MPP2: variants seen among roughly 807,000 people sequenced by gnomAD.
MPP2 encodes the protein MAGUK p55 scaffold protein 2.
A neutral mutation model predicts 58.5 loss-of-function variants in MPP2; 42 were observed. The ratio of observed to expected loss-of-function variants is 0.72; its 90% CI spans 0.56 to 0.93. The LOEUF is 0.93. MPP2 is among the 40% of genes least tolerant of loss of function. The pLI, the probability that MPP2 is intolerant of heterozygous loss-of-function variation, is 0.00. For missense variants in MPP2, 632 were observed against 760.4 expected (o/e 0.83, Z 1.99); for synonymous variants, 300 against 307.8 (o/e 0.97, Z 0.26).
chr17:43,881,079 C>G lies in MPP2; in HGVS notation c.988+11G>C, dbSNP rs564636607. 5 of 1,613,604 alleles carry G rather than the reference C, an allele frequency of 3.1e-6. No homozygotes were observed. Among genetic ancestry groups the G allele is most frequent in the Non-Finnish European group, 3.4e-6 (4 of 1,179,896 alleles). ...AGAGGAGGGTAAGGGAGGGGGCGCT[C>G]TGATACCCACCTGCATTCTTGGTGG... is the stretch of plus-strand genomic sequence containing the variant. On this transcript the variant is annotated intron_variant, in intron 9 of 12. Coordinates refer to ENST00000269095, the MANE Select transcript of MPP2 (RefSeq NM_005374.5).
upstream of MPP2, among the ~76,000 whole-genome samples, chr17:43,908,998 C>A (rs762190404): frequency 2.6e-5 from 4 of 152,210 alleles, no homozygotes; most frequent in Non-Finnish European, 5.9e-5. Flanking sequence ...AAAGAGGGTT[C>A]TTGGAGCGCA....
intron 3 of MPP2, among the ~76,000 whole-genome samples, chr17:43,896,918 T>C (rs1218539903): frequency 6.6e-6 from 1 of 150,398 alleles, no homozygotes; most frequent in African/African-American, 2.5e-5. Context: ...CATCCCCACC[T>C]CCCCCCCTCA....
rs2046915603 is a variant in MPP2, at chr17:43,877,891, C to T, written c.1575G>A (p.Leu525=). ...TCTGGAGCTCGCGGAAGGTCCTCTCCAGGTTGCTATTGACCAGGCAGAGGT... is the reference window on the plus strand; with the variant it reads ...TCTGGAGCTCGCGGAAGGTCCTCTCTAGGTTGCTATTGACCAGGCAGAGGT... The part of the protein sequence containing the change: ...YFDLCLVNSN[L]ERTFRELQTA... The change falls in exon 13 of 13, where the codon CTG becomes CTA. Residue 525 remains leucine (L), a synonymous_variant. Transcript: ENST00000269095. 1.9e-6 allele frequency: 3 copies of T among 1,613,954 alleles called. No individual in the cohort carries two copies. The African/African-American group carries it at 4.0e-5, about 22-fold the overall frequency.
At position 43,879,402 on chromosome 17, in the gene MPP2, G is replaced by A. The variant is rs143380589; in HGVS notation, c.1355C>T (p.Ala452Val). Residue 452 changes from alanine (A) to valine (V), a missense_variant and splice_region_variant, in exon 12 of 13, where the codon GCG becomes GTG. Physicochemically the swap from Ala to Val is moderately conservative, Grantham distance 64. Coordinates refer to ENST00000269095, the MANE Select transcript of MPP2 (RefSeq NM_005374.5). The surrounding 1 kb of genome is among the most constrained non-coding windows in gnomAD (Gnocchi z 4.1). ...KVCVLDVNPQ[A>V]VKVLRTAEFV... The stretch of plus-strand genomic sequence containing the variant: ...CTCGGCCGTTCGTAGCACCTTCACC[G>A]CCTGCAGAAGGAGAAGGCAAGGTAG... The A allele has an allele frequency of 1.5e-4, 249 of 1,614,016 alleles. 1 individual carries two copies. The highest frequency in any genetic ancestry group is 2.0e-4 in the Non-Finnish European group (241 of 1,179,934).
Position 43,877,877 on chromosome 17 carries a change from C to T in MPP2, c.1589G>A (p.Arg530His), listed in dbSNP as rs78040164. Residue 530 changes from arginine to histidine, a missense_variant, in exon 13 of 13, where the codon CGC (arginine) becomes CAC (histidine). Arg to His is a conservative substitution (Grantham distance 29). Transcript: ENST00000269095. ...LVNSNLERTF[R>H]ELQTAMEKLR... is the part of the protein sequence containing the mutation. ...CTTCTCCATGGCTGTCTGGAGCTCG[C>T]GGAAGGTCCTCTCCAGGTTGCTATT... 6.9e-5 allele frequency: 112 copies of T among 1,614,076 alleles called. No individual in the cohort carries two copies. The African/African-American group carries it at 7.1e-4, about 10-fold the overall frequency.
At position 43,882,271 on chromosome 17, in the gene MPP2, G is replaced by A. The variant is rs1022892747; in HGVS notation, c.681+13C>T. The stretch of plus-strand genomic sequence containing the variant: ...AGCCATCCCTTGGGCCTTGTGCTGG[G>A]TGAGGGGCCCACCTGGCGGGGCAGA... On this transcript the variant is annotated intron_variant, in intron 6 of 12. Coordinates refer to ENST00000269095, the MANE Select transcript of MPP2 (RefSeq NM_005374.5). 5.0e-6 allele frequency: 8 copies of A among 1,605,016 alleles called. No individual in the cohort carries two copies. Among genetic ancestry groups the A allele is most frequent in the Non-Finnish European group, 6.8e-6 (8 of 1,177,106 alleles).
chr17:43,907,892 A>G (rs1436745601), upstream of MPP2: 3 of 985,302 alleles, frequency 3.0e-6, no homozygotes, highest in Non-Finnish European at 3.6e-6. Context: ...TTCTAGTTCC[A>G]GGCGTGCCTC....
chr17:43,903,210 A>G (rs1413057247), intron 2 of MPP2, among the ~76,000 whole-genome samples: 7 of 151,518 alleles, frequency 4.6e-5, no homozygotes, highest in Admixed American at 6.6e-5. Context: ...TGGGAGGTGA[A>G]GGTTGCAGTG....
At chr17:43,899,063 C>T (rs1304328321) in intron 2 of MPP2, among the ~76,000 whole-genome samples, 1 of 151,956 alleles carries the variant, frequency 6.6e-6, no homozygotes, top group African/African-American at 2.4e-5. Context: ...CTGGCCAACA[C>T]AGGGAAACCC....
upstream of MPP2, among the ~76,000 whole-genome samples, chr17:43,909,382 T>C (rs1188378146): frequency 6.6e-6 from 1 of 152,270 alleles, no homozygotes; most frequent in East Asian, 1.9e-4. Flanking sequence ...ATCCTTATAA[T>C]TGAATTCAGG....
At chr17:43,882,709 C>T (rs1362880111) in intron 5 of MPP2, among the ~76,000 whole-genome samples, 194 bp downstream of exon 5, 5 of 146,096 alleles carry the variant, frequency 3.4e-5, no homozygotes, top group Admixed American at 1.4e-4. Context: ...TGGAGAGGTG[C>T]GGACACAGGT....
chr17:43,899,978 G>A (rs1008325022), intron 2 of MPP2, among the ~76,000 whole-genome samples: 3 of 152,168 alleles, frequency 2.0e-5, no homozygotes, highest in African/African-American at 4.8e-5. Context: ...CACGGAGGAC[G>A]GCGGAGGATG....
intron 3 of MPP2, among the ~76,000 whole-genome samples, chr17:43,884,476 T>A (rs2047281299): frequency 6.6e-6 from 1 of 152,226 alleles, no homozygotes; most frequent in African/African-American, 2.4e-5. Flanking sequence ...TGCTTCAGGC[T>A]CCCAAAGCCT....
At chr17:43,887,090 C>T (rs1278858858) in intron 3 of MPP2, among the ~76,000 whole-genome samples, 2 of 151,432 alleles carry the variant, frequency 1.3e-5, no homozygotes, top group Admixed American at 6.6e-5. Context: ...CAGTGGTTCA[C>T]ACCTGCAATC....
rs1232683820 is a variant in MPP2 at position 43,877,523 on chromosome 17, ACT to A, written c.*282_*283del. ...CTCTGTACTGACCATTATGGAGGTG[ACT>A]CTGACACATTCCTGGGCATAGCTTG... On this transcript the variant is annotated 3_prime_UTR_variant, in exon 13 of 13. Transcript: ENST00000269095. The A allele has an allele frequency of 9.0e-5, 39 of 433,042 alleles. No individual in the cohort carries two copies. In the South Asian group the frequency reaches 1.2e-3, roughly 14 times the overall value. 26.8% of individuals were successfully genotyped at this position (433,042 alleles called of 1,614,324 possible).
intron 12 of MPP2, among the ~76,000 whole-genome samples, chr17:43,878,213 C>G (rs2046933476): frequency 6.6e-6 from 1 of 152,198 alleles, no homozygotes; most frequent in South Asian, 2.1e-4. Context: ...AATCACACCC[C>G]TAAATGCTTT....
intron 3 of MPP2, among the ~76,000 whole-genome samples, chr17:43,891,507 T>C (rs1321373458): frequency 6.9e-6 from 1 of 144,060 alleles, no homozygotes; most frequent in Non-Finnish European, 1.5e-5. Flanking sequence ...AAAGCAAGAC[T>C]CCGTCTCAAA....
rs1271292528 is a variant in MPP2 at position 43,879,843 on chromosome 17, A to G, written c.1292T>C (p.Ile431Thr). ...AGCGACCACGCCCCGGATGGAGTCA[A>G]TACGTGTGCCATACAGGTTGCCCTC... Reference protein sequence around the residue: ...EYEGNLYGTRIDSIRGVVAAG... With the variant: ...EYEGNLYGTRTDSIRGVVAAG... The change falls in exon 11 of 13, where the codon ATT becomes ACT. Residue 431 changes from isoleucine (I) to threonine (T), a missense_variant. Coordinates refer to ENST00000269095, the MANE Select transcript of MPP2 (RefSeq NM_005374.5). The surrounding 1 kb of genome is among the most constrained non-coding windows in gnomAD (Gnocchi z 4.1). 6.2e-7 allele frequency: 1 copy of G among 1,614,040 alleles called. No homozygotes were observed. Among genetic ancestry groups the G allele is most frequent in the Non-Finnish European group, 8.5e-7 (1 of 1,179,976 alleles).
chr17:43,908,069 A>C, upstream of MPP2: 1 of 705,504 alleles, frequency 1.4e-6, no homozygotes, highest in African/African-American at 1.9e-5. Flanking sequence ...AAATTTTGCA[A>C]AAAAGAGGAA....
Sources: allele counts gnomAD v4.1 joint callset (sites outside exome capture counted in the v4.1 genomes callset), GRCh38; gene constraint gnomAD v4.1.1; non-coding constraint Gnocchi (gnomAD v3.1); transcripts MANE v1.5; gene names NCBI Gene and HGNC (gene_info 2026-07-23, HGNC 2026-07-21).